PDE4A: variants seen among roughly 807,000 people sequenced by gnomAD.
The protein encoded by PDE4A is 3',5'-cyclic-AMP phosphodiesterase 4A.
Under a neutral mutation model 73.9 loss-of-function variants are expected in PDE4A, and 21 were observed. The ratio of observed to expected loss-of-function variants is 0.28; its 90% CI spans 0.20 to 0.41. PDE4A has a LOEUF of 0.41. Among genes scored for constraint, PDE4A ranks in the 10% least tolerant of loss-of-function variants. The pLI is 1.00. For missense variants in PDE4A, 958 were observed against 1,211.4 expected (o/e 0.79, Z 3.10); for synonymous variants, 463 against 505.4 (o/e 0.92, Z 1.13).
intron 1 of PDE4A, among the ~76,000 whole-genome samples, chr19:10,431,652 T>C (rs73923218): frequency 0.033 from 4,983 of 152,282 alleles, 254 homozygotes; most frequent in African/African-American, 0.11. Flanking sequence ...TGGCTGGCCC[T>C]GGGGGCTTCT....
intron 1 of PDE4A, chr19:10,432,658 G>A: frequency 7.7e-7 from 1 of 1,306,234 alleles, no homozygotes; most frequent in Non-Finnish European, 1.0e-6. Flanking sequence ...GAGTCTACCT[G>A]GGTGAGTCCC....
intron 1 of PDE4A, among the ~76,000 whole-genome samples, chr19:10,433,189 A>G (rs368268208): frequency 2.6e-5 from 4 of 151,966 alleles, no homozygotes; most frequent in East Asian, 1.9e-4. Flanking sequence ...ACACAGGGCA[A>G]TCCGGGTCAC....
At chr19:10,449,843 C>A (rs2043064632) in intron 4 of PDE4A, among the ~76,000 whole-genome samples, 1 of 151,882 alleles carries the variant, frequency 6.6e-6, no homozygotes, top group Admixed American at 6.6e-5. Context: ...TGCCTGTAAT[C>A]CAGCACTTTG....
intron 14 of PDE4A, among the ~76,000 whole-genome samples, chr19:10,464,189 C>G (rs2043325800): frequency 6.6e-6 from 1 of 152,144 alleles, no homozygotes; most frequent in Non-Finnish European, 1.5e-5. Context: ...CCTCCGCCTC[C>G]CAGGTTCAAG....
intron 1 of PDE4A, among the ~76,000 whole-genome samples, chr19:10,425,016 G>A (rs543255429): frequency 6.6e-6 from 1 of 152,286 alleles, no homozygotes; most frequent in South Asian, 2.1e-4. Flanking sequence ...ATGAGGTCAG[G>A]AGTTCAAGAT....
intron 1 of PDE4A, among the ~76,000 whole-genome samples, chr19:10,435,751 G>A (rs530174808): frequency 3.3e-5 from 5 of 152,228 alleles, no homozygotes; most frequent in African/African-American, 1.2e-4. Context: ...GATGTTGCTG[G>A]AGTGGCCTCT....
At chr19:10,418,897 TG>T (rs35789387), upstream of PDE4A, 349 of 979,076 alleles carry the variant, frequency 3.6e-4, 1 homozygote, top group African/African-American at 3.9e-3. Context: ...GAGTGTGTAA[TG>T]GGGGGGGTGT....
chr19:10,454,556 C>T (rs533626881), intron 6 of PDE4A, among the ~76,000 whole-genome samples: 20 of 152,312 alleles, frequency 1.3e-4, no homozygotes, highest in Admixed American at 1.2e-3. Context: ...CCTCTAGCTC[C>T]TCCTTGGGGG....
upstream of PDE4A, chr19:10,420,240 G>A (rs559334896): frequency 4.6e-4 from 111 of 242,264 alleles, no homozygotes; most frequent in Middle Eastern, 6.3e-3. This position sits in a 1 kb window ranked among gnomAD's most constrained non-coding sequence, Gnocchi z 6.0. Context: ...CAACCAGTCC[G>A]GTGTCTGCTT....
At chr19:10,431,852 G>C (rs2042792483) in intron 1 of PDE4A, among the ~76,000 whole-genome samples, 1 of 152,142 alleles carries the variant, frequency 6.6e-6, no homozygotes, top group African/African-American at 2.4e-5. Context: ...TGTGTGTAGG[G>C]AAATCGTTGC....
chr19:10,427,618 C>A (rs2042734477), intron 1 of PDE4A: 1 of 985,058 alleles, frequency 1.0e-6, no homozygotes, highest in African/African-American at 1.7e-5. Flanking sequence ...TGTGTAGCCT[C>A]ATGGCTAAAA....
chr19:10,450,529 C>A (rs1458189056), intron 4 of PDE4A, 74 bp from the exon 5 acceptor site: 1 of 1,519,920 alleles, frequency 6.6e-7, no homozygotes, highest in Admixed American at 2.3e-5. Context: ...TGGCACTGTT[C>A]ATGAAAGCGG....
At chr19:10,438,968 G>A (rs1352512312) in intron 1 of PDE4A, among the ~76,000 whole-genome samples, 1 of 152,116 alleles carries the variant, frequency 6.6e-6, no homozygotes, top group African/African-American at 2.4e-5. Context: ...TCCATTCAAT[G>A]GATATAACAC....
At chr19:10,416,938 G>C, upstream of PDE4A, 2 of 1,542,112 alleles carry the variant, frequency 1.3e-6, no homozygotes, top group South Asian at 2.4e-5. Context: ...CGCTAGGTTG[G>C]CGAGATGAAG....
Position 10,439,012 on chromosome 19 carries a change from G to A in PDE4A, c.321-7206G>A, listed in dbSNP as rs1247614191. 2.6e-5 allele frequency among the ~76,000 whole-genome samples: 4 copies of A among 152,152 alleles called. No individual in the cohort carries two copies. In the East Asian group the frequency reaches 5.8e-4, roughly 22 times the overall value. On this transcript the variant is annotated intron_variant, in intron 1 of 14. Coordinates refer to ENST00000380702, the MANE Select transcript of PDE4A (RefSeq NM_001111307.2). ...GATCCATTCATCTGTTGATGGACAC[G>A]TCAGTCACTTCTACCTTTTGGCCAT...
At chr19:10,450,373 C>T (rs940202272) in intron 4 of PDE4A, 3 of 427,530 alleles carry the variant, frequency 7.0e-6, no homozygotes, top group Non-Finnish European at 9.4e-6. Flanking sequence ...GGCGGATCAG[C>T]CATGTGGTCT....
chr19:10,460,407 G>A (rs1334568875), intron 10 of PDE4A, among the ~76,000 whole-genome samples: 4 of 151,858 alleles, frequency 2.6e-5, no homozygotes. Flanking sequence ...GCTGAGGCAG[G>A]AGAATCGCTG....
At chr19:10,421,233 G>C in intron 1 of PDE4A, 149 bp downstream of exon 1, 1 of 1,337,226 alleles carries the variant, frequency 7.5e-7, no homozygotes, top group Non-Finnish European at 9.5e-7. Flanking sequence ...GGGCGTCTGG[G>C]ACCTGGCCCC....
At chr19:10,435,945 G>C (rs1466579340) in intron 1 of PDE4A, among the ~76,000 whole-genome samples, 1 of 152,090 alleles carries the variant, frequency 6.6e-6, no homozygotes, top group East Asian at 1.9e-4. Flanking sequence ...AGGGGACATC[G>C]GGTCTTGAAA....
Sources: allele counts gnomAD v4.1 joint callset (sites outside exome capture counted in the v4.1 genomes callset), GRCh38; gene constraint gnomAD v4.1.1; non-coding constraint Gnocchi (gnomAD v3.1); transcripts MANE v1.5; gene names NCBI Gene and HGNC (gene_info 2026-07-23, HGNC 2026-07-21).